The following SNX27 variants were observed in gnomAD, a reference collection of about 807,000 sequenced individuals.
SNX27 encodes sorting nexin-27.
A neutral mutation model predicts 71.6 loss-of-function variants in SNX27; 22 were observed. The observed-to-expected ratio is 0.31, with a 90% CI of 0.22 to 0.44. SNX27 has a LOEUF of 0.44. SNX27 is among the 20% of genes least tolerant of loss of function. SNX27 has a pLI of 1.00. For missense variants in SNX27, 531 were observed against 698.6 expected (o/e 0.76, Z 2.70); for synonymous variants, 269 against 277.2 (o/e 0.97, Z 0.29).
Position 151,638,995 on chromosome 1 carries a change from C to G in SNX27, c.419C>G (p.Ala140Gly). ...LTVLSVPPHE[A>G]DNLDPSDDSL... ...GTGTTATCTGTACCTCCTCATGAGG[C>G]AGATAACCTAGATCCCAGTGACGAC... is the stretch of plus-strand genomic sequence containing the variant. The change falls in exon 2 of 12, where the codon GCA (alanine) becomes GGA (glycine). Residue 140 changes from alanine to glycine, a missense_variant. By Grantham distance (60) the Ala-to-Gly change is moderately conservative. Transcript: ENST00000458013. 6.2e-7 allele frequency: 1 copy of G among 1,614,130 alleles called. No homozygotes were observed. The highest frequency in any genetic ancestry group is 8.5e-7 in the Non-Finnish European group (1 of 1,180,032).
intron 2 of SNX27, among the ~76,000 whole-genome samples, chr1:151,655,162 T>C (rs1669627525): frequency 6.6e-6 from 1 of 152,210 alleles, no homozygotes; most frequent in Admixed American, 6.5e-5. Context: ...ACTTTGGTCC[T>C]TTTTAGCTTT....
In SNX27 at chr1:151,638,891, C is replaced by T; in HGVS notation, c.315C>T (p.Asn105=). The stretch of plus-strand genomic sequence containing the variant: ...CTTTTTCCCTTTTTCCCCTTAGGAA[C>T]CACGTGAATGTTGAGGGGGCGACAC... ...VRKGDRILEV[N]HVNVEGATHK... Residue 105 remains asparagine (N), a synonymous_variant, in exon 2 of 12, where the codon AAC becomes AAT. Coordinates refer to ENST00000458013, the MANE Select transcript of SNX27 (RefSeq NM_001330723.2). The T allele has an allele frequency of 6.2e-7, 1 of 1,614,072 alleles. No individual in the cohort carries two copies. The highest frequency in any genetic ancestry group is 1.1e-5 in the South Asian group (1 of 91,082).
In SNX27 at chr1:151,650,747, GGCCTTCCGCA is replaced by G. The variant is rs1233979224; in HGVS notation, c.544-7486_544-7477del. Among the ~76,000 whole-genome samples the G allele has an allele frequency of 5.6e-3, 848 of 151,958 alleles. 7 individuals carry two copies. The highest frequency in any genetic ancestry group is 0.02 in the African/African-American group (813 of 41,448). On this transcript the variant is annotated intron_variant, in intron 2 of 11. Transcript: ENST00000458013. ...GGTTTTCCTAGGCAGAGGACCCTGC[GGCCTTCCGCA>G]GTGTTTGTGTCCCTGGGTACTTGAG...
chr1:151,619,617 A>G (rs1162654165), intron 1 of SNX27, among the ~76,000 whole-genome samples: 1 of 151,780 alleles, frequency 6.6e-6, no homozygotes, highest in East Asian at 1.9e-4. Context: ...GGTATTTTTT[A>G]GTTTGTTCAT....
chr1:151,677,792 TTAAG>T (rs1204509535), intron 7 of SNX27: 1 of 152,144 alleles, frequency 6.6e-6, no homozygotes, highest in Non-Finnish European at 1.5e-5. Context: ...ACAAAAGTAT[TTAAG>T]TATTTAGAAA....
At chr1:151,642,652 T>A (rs2102641899) in intron 2 of SNX27, among the ~76,000 whole-genome samples, 1 of 152,086 alleles carries the variant, frequency 6.6e-6, no homozygotes, top group East Asian at 1.9e-4. Context: ...TATTATTAGT[T>A]TTTTGAGATG....
chr1:151,641,719 T>C (rs1668760852), intron 2 of SNX27, among the ~76,000 whole-genome samples: 1 of 140,598 alleles, frequency 7.1e-6, no homozygotes, highest in South Asian at 2.2e-4. Context: ...ATATAGCATA[T>C]GATATATATC....
At chr1:151,615,841 A>G in intron 1 of SNX27, 1 of 984,168 alleles carries the variant, frequency 1.0e-6, no homozygotes, top group Non-Finnish European at 1.2e-6. Context: ...ATTTAAGGGC[A>G]TACAAACTTG....
chr1:151,687,945 CAAA>C (rs10580377), intron 8 of SNX27, among the ~76,000 whole-genome samples: 19 of 111,476 alleles, frequency 1.7e-4, no homozygotes, highest in East Asian at 4.9e-4. Context: ...GAGTCTGTCT[CAAA>C]AAAAAAAAAA....
chr1:151,678,073 C>G (rs1670777109), intron 7 of SNX27: 1 of 152,102 alleles, frequency 6.6e-6, no homozygotes, highest in African/African-American at 2.4e-5. Flanking sequence ...GTCTGCCACC[C>G]AGGCTGGAGT....
intron 7 of SNX27, among the ~76,000 whole-genome samples, chr1:151,675,603 C>T (rs1015028745): frequency 1.3e-5 from 2 of 151,428 alleles, no homozygotes; most frequent in African/African-American, 4.9e-5. Context: ...CTGGGGCTGG[C>T]CTGGGACTCC....
chr1:151,640,712 A>G (rs1348441927), intron 2 of SNX27, among the ~76,000 whole-genome samples: 3 of 152,146 alleles, frequency 2.0e-5, no homozygotes, highest in East Asian at 1.9e-4. Flanking sequence ...TATTGAACAT[A>G]GTTTACCTAT....
In SNX27 at chr1:151,697,043, C is replaced by G. The variant is rs1442484305; in HGVS notation, c.*2626C>G. On this transcript the variant is annotated 3_prime_UTR_variant, in exon 12 of 12. Transcript: ENST00000458013. ...AAGAGGACAGCCTTTCCTCCCTCAC[C>G]TTCTCCAAATCTAGGTGAAATCACA... is the stretch of plus-strand genomic sequence containing the variant. 2 of 152,198 alleles carry G rather than the reference C, an allele frequency of 1.3e-5. No homozygotes were observed. The highest frequency in any genetic ancestry group is 4.8e-5 in the African/African-American group (2 of 41,424). 9.4% of individuals were successfully genotyped at this position (152,198 alleles called of 1,614,324 possible). A position where few individuals can be genotyped will look rare whatever the true frequency, so the allele number is the denominator to read the frequency against.
chr1:151,664,182 A>G (rs1670090288), intron 5 of SNX27, among the ~76,000 whole-genome samples: 1 of 99,716 alleles, frequency 1.0e-5, no homozygotes, highest in South Asian at 2.9e-4. Context: ...AATATACTAA[A>G]TAATATAATA....
chr1:151,638,856 A>C, intron 1 of SNX27, 32 bp from the exon 2 acceptor site: 1 of 1,608,024 alleles, frequency 6.2e-7, no homozygotes, highest in Non-Finnish European at 8.5e-7. Context: ...CTTCTGGTTT[A>C]TGGGATTGTC....
intron 2 of SNX27, among the ~76,000 whole-genome samples, chr1:151,657,611 A>G (rs1179057786): frequency 2.6e-5 from 4 of 152,162 alleles, no homozygotes; most frequent in African/African-American, 9.7e-5. Flanking sequence ...TTGACTCACT[A>G]TATTTACCAC....
At chr1:151,683,510 A>G in intron 8 of SNX27, 65 bp downstream of exon 8, 1 of 1,254,390 alleles carries the variant, frequency 8.0e-7, no homozygotes, top group African/African-American at 1.5e-5. Flanking sequence ...CTATAGTCCT[A>G]GTCATTTTTG....
chr1:151,621,167 C>G (rs1667658527), intron 1 of SNX27, among the ~76,000 whole-genome samples: 1 of 152,152 alleles, frequency 6.6e-6, no homozygotes, highest in African/African-American at 2.4e-5. Context: ...GTGGTGATCA[C>G]AAAGTGAATT....
chr1:151,666,023 T>A lies in SNX27; in HGVS notation c.985+12T>A. 6.3e-7 allele frequency: 1 copy of A among 1,598,740 alleles called. No individual in the cohort carries two copies. Among genetic ancestry groups the A allele is most frequent in the Non-Finnish European group, 8.6e-7 (1 of 1,168,162 alleles). ...CAGTCACTCCTTTGGTAAGTACCAG[T>A]GGCTGATACTAAGTTTTGTTTTCTA... On this transcript the variant is annotated intron_variant, in intron 6 of 11. Coordinates refer to ENST00000458013, the MANE Select transcript of SNX27 (RefSeq NM_001330723.2).
Sources: gnomAD v4.1 joint callset for allele counts (sites outside exome capture counted in the v4.1 genomes callset) on GRCh38, gnomAD v4.1.1 for gene constraint, MANE v1.5 for transcripts, NCBI Gene and HGNC (gene_info 2026-07-23, HGNC 2026-07-21) for gene names.